Variants in NYAP2 observed in about 807,000 individuals in gnomAD.
NYAP2 encodes the protein neuronal tyrosine-phosphorylated phosphoinositide-3-kinase adapter 2.
In NYAP2, 23 loss-of-function variants were observed where a neutral mutation model predicts 50.4. The observed-to-expected ratio is 0.46, with a 90% CI of 0.33 to 0.65. The LOEUF is 0.65. Among genes scored for constraint, NYAP2 ranks in the 30% least tolerant of loss-of-function variants. NYAP2 has a pLI of 0.02. For synonymous variants in NYAP2, 394 were observed against 365.2 expected (o/e 1.08, Z -0.90); for missense variants, 885 against 861.0 (o/e 1.03, Z -0.35).
At chr2:225,696,360 T>C in the NYAP2 span, among the ~76,000 whole-genome samples, 1 of 151,958 alleles carries the variant, frequency 6.6e-6, no homozygotes, top group South Asian at 2.1e-4. Context: ...GGAAAACTAC[T>C]AGGTATTCAT....
At chr2:225,586,772 A>G (rs1027284608) in intron 5 of NYAP2, among the ~76,000 whole-genome samples, 2 of 152,194 alleles carry the variant, frequency 1.3e-5, no homozygotes, top group Non-Finnish European at 2.9e-5. Flanking sequence ...TAATAACCAA[A>G]CCAAATTTTA....
At chr2:225,524,812 T>C (rs948021893) in intron 4 of NYAP2, among the ~76,000 whole-genome samples, 2 of 151,600 alleles carry the variant, frequency 1.3e-5, no homozygotes, top group Non-Finnish European at 1.5e-5. Flanking sequence ...AGAGAAACTG[T>C]AGAAAAAACA....
chr2:225,440,362 T>A (rs374866088), intron 3 of NYAP2, among the ~76,000 whole-genome samples: 1 of 152,376 alleles, frequency 6.6e-6, no homozygotes, highest in African/African-American at 2.4e-5. Flanking sequence ...AACAATGCTA[T>A]GAAATCTGGT....
In NYAP2 at chr2:225,622,537, C is replaced by CTTTCTTTCTTTCTTTCTTTCTTTCTT. The variant is rs1693127920; in HGVS notation, c.1619-4357_1619-4356insCTTTTTCTTTCTTTCTTTCTTTCTTT. Among the ~76,000 whole-genome samples, 4 of 64,746 alleles carry CTTTCTTTCTTTCTTTCTTTCTTTCTT rather than the reference C, an allele frequency of 6.2e-5. No homozygotes were observed. In the South Asian group the frequency reaches 2.2e-3, roughly 36 times the overall value. 42.5% of individuals were successfully genotyped at this position (64,746 alleles called of 152,430 possible). ...TTCTTTCTTCTTTCTTTCTTTCTTTCTTTCTTTCTTTCTTTCTTTCTTTTT... is the reference window on the plus strand; with the variant it reads ...TTCTTTCTTCTTTCTTTCTTTCTTTCTTTCTTTCTTTCTTTCTTTCTTTCTTTTTCTTTCTTTCTTTCTTTCTTTTT... On this transcript the variant is annotated intron_variant, in intron 5 of 6. Coordinates refer to ENST00000636099, the Ensembl canonical transcript of NYAP2.
chr2:225,449,133 A>G (rs1395219352), intron 3 of NYAP2, among the ~76,000 whole-genome samples: 1 of 152,230 alleles, frequency 6.6e-6, no homozygotes. Flanking sequence ...TCTCCTAGTC[A>G]TAAAATAATA....
intron 5 of NYAP2, among the ~76,000 whole-genome samples, chr2:225,622,567 C>CTT (rs1693135354): frequency 1.6e-5 from 1 of 60,712 alleles, no homozygotes; most frequent in Non-Finnish European, 3.6e-5. Context: ...CTTTTTCTTT[C>CTT]TTTCTTTCTT....
chr2:225,586,906 GA>G (rs1692398272), intron 5 of NYAP2, among the ~76,000 whole-genome samples: 1 of 152,188 alleles, frequency 6.6e-6, no homozygotes, highest in Non-Finnish European at 1.5e-5. Flanking sequence ...GATTTATAAA[GA>G]AAAGTTTAAT....
At chr2:225,405,517 A>G (rs1694925588) in intron 2 of NYAP2, among the ~76,000 whole-genome samples, 1 of 152,002 alleles carries the variant, frequency 6.6e-6, no homozygotes, top group Admixed American at 6.6e-5. Context: ...TATCTATCTT[A>G]GGTGTAAATA....
intron 3 of NYAP2, among the ~76,000 whole-genome samples, chr2:225,441,026 C>A (rs909211259): frequency 1.3e-5 from 2 of 152,116 alleles, no homozygotes; most frequent in African/African-American, 4.8e-5. Context: ...TCTACATTAC[C>A]ATCTAACCAT....
intron 4 of NYAP2, among the ~76,000 whole-genome samples, chr2:225,532,525 C>G (rs1235245285): frequency 2.0e-5 from 3 of 152,096 alleles, no homozygotes; most frequent in African/African-American, 7.2e-5. Flanking sequence ...GAACACATTG[C>G]CCTTTGGAAA....
At chr2:225,647,983 C>CGTATAT (rs112987963) in intron 6 of NYAP2, among the ~76,000 whole-genome samples, 144,748 of 151,952 alleles carry the variant, frequency 0.95, 69,051 homozygotes, top group African/African-American at 0.99. Flanking sequence ...TGTGTGTGTG[C>CGTATAT]ATATGTATGT....
At chr2:225,646,091 C>A (rs1282482833) in intron 6 of NYAP2, among the ~76,000 whole-genome samples, 1 of 152,132 alleles carries the variant, frequency 6.6e-6, no homozygotes, top group Non-Finnish European at 1.5e-5. Flanking sequence ...TGAGATAATT[C>A]TTTTGGTCAA....
intron 3 of NYAP2, among the ~76,000 whole-genome samples, chr2:225,476,336 C>T (rs892656803): frequency 1.8e-4 from 27 of 151,856 alleles, no homozygotes; most frequent in African/African-American, 6.3e-4. Flanking sequence ...CGGCGTGAAC[C>T]CGGGAGGCGG....
chr2:225,655,150 C>A (rs769132156), downstream of NYAP2, among the ~76,000 whole-genome samples: 1 of 152,098 alleles, frequency 6.6e-6, no homozygotes, highest in Non-Finnish European at 1.5e-5. Context: ...AGCAGACACA[C>A]GATCTGTAGA....
chr2:225,695,473 A>AT, the NYAP2 span, among the ~76,000 whole-genome samples: 5 of 151,742 alleles, frequency 3.3e-5, no homozygotes, highest in Admixed American at 2.6e-4. Context: ...ATTTTATTTT[A>AT]TTTTTTTGAG....
chr2:225,409,216 T>C, intron 3 of NYAP2, 115 bp downstream of exon 3: 1 of 722,330 alleles, frequency 1.4e-6, no homozygotes, highest in Non-Finnish European at 2.2e-6. Context: ...CAGTTAGACT[T>C]GGTGAGAGCA....
the NYAP2 span, among the ~76,000 whole-genome samples, chr2:225,661,393 T>C: frequency 1.3e-5 from 2 of 152,210 alleles, no homozygotes; most frequent in Admixed American, 6.5e-5. Flanking sequence ...GTGCTGCAAA[T>C]GAACATTATC....
the NYAP2 span, among the ~76,000 whole-genome samples, chr2:225,670,337 A>G: frequency 6.6e-6 from 1 of 152,064 alleles, no homozygotes; most frequent in African/African-American, 2.4e-5. Flanking sequence ...GTACGGGGAG[A>G]GGTCATGCAA....
chr2:225,669,720 G>A, the NYAP2 span, among the ~76,000 whole-genome samples: 1 of 152,102 alleles, frequency 6.6e-6, no homozygotes. Flanking sequence ...TTAAAATGCT[G>A]AAATGGAGAA....
Sources: gnomAD v4.1 joint callset for allele counts (sites outside exome capture counted in the v4.1 genomes callset) on GRCh38, gnomAD v4.1.1 for gene constraint, MANE v1.5 for transcripts, NCBI Gene and HGNC (gene_info 2026-07-23, HGNC 2026-07-21) for gene names.